The following ST6GALNAC5 variants were observed in gnomAD, a reference collection of about 807,000 sequenced individuals.
The protein encoded by ST6GALNAC5 is ST6 N-acetylgalactosaminide alpha-2,6-sialyltransferase 5.
Under a neutral mutation model 33.6 loss-of-function variants are expected in ST6GALNAC5, and 27 were observed. The ratio of observed to expected loss-of-function variants is 0.80; its 90% CI spans 0.59 to 1.11. The LOEUF (loss-of-function observed/expected upper bound fraction) is 1.11. Among genes scored for constraint, ST6GALNAC5 ranks in the 50% least tolerant of loss-of-function variants. The pLI, the probability that ST6GALNAC5 is intolerant of heterozygous loss-of-function variation, is 0.00. For missense variants in ST6GALNAC5, 428 were observed against 454.0 expected (o/e 0.94, Z 0.52); for synonymous variants, 194 against 171.2 (o/e 1.13, Z -1.04).
intron 2 of ST6GALNAC5, among the ~76,000 whole-genome samples, chr1:76,974,978 G>T (rs1648946975): frequency 6.6e-6 from 1 of 151,130 alleles, no homozygotes; most frequent in African/African-American, 2.4e-5. Flanking sequence ...GTAGAAACGG[G>T]GTTTCACCAT....
At chr1:76,974,354 C>T (rs1648907888) in intron 2 of ST6GALNAC5, among the ~76,000 whole-genome samples, 1 of 151,762 alleles carries the variant, frequency 6.6e-6, no homozygotes, top group Non-Finnish European at 1.5e-5. Context: ...TATAGACATG[C>T]ATCACCACAC....
At chr1:76,995,122 G>A (rs1649878515) in intron 2 of ST6GALNAC5, among the ~76,000 whole-genome samples, 1 of 152,140 alleles carries the variant, frequency 6.6e-6, no homozygotes, top group Non-Finnish European at 1.5e-5. Flanking sequence ...TTTTGGCTGG[G>A]CGCAGTGGCT....
intron 2 of ST6GALNAC5, among the ~76,000 whole-genome samples, chr1:76,919,226 T>C (rs1005591742): frequency 2.6e-5 from 4 of 152,062 alleles, no homozygotes; most frequent in Non-Finnish European, 5.9e-5. Context: ...AACGTGAGGA[T>C]TGAGGGAAAA....
chr1:76,929,253 C>G (rs1256587466), intron 2 of ST6GALNAC5, among the ~76,000 whole-genome samples: 2 of 152,184 alleles, frequency 1.3e-5, no homozygotes, highest in South Asian at 4.2e-4. Flanking sequence ...AATACTGCCT[C>G]TAGATGTCCA....
chr1:76,894,836 C>T (rs1023913930), intron 2 of ST6GALNAC5, among the ~76,000 whole-genome samples: 7 of 152,134 alleles, frequency 4.6e-5, no homozygotes, highest in African/African-American at 1.7e-4. Flanking sequence ...TGTGAAGAGA[C>T]CACCAAACAG....
In ST6GALNAC5 at chr1:77,064,024, A is replaced by G. The variant is rs937977872; in HGVS notation, c.*818A>G. ...AAAAGGACAAAATTGAAAACCAAAA[A>G]CTATGTTATTAAAACAAAAAAATGC... On this transcript the variant is annotated 3_prime_UTR_variant, in exon 5 of 5. Coordinates refer to ENST00000477717, the MANE Select transcript of ST6GALNAC5 (RefSeq NM_030965.3). 6.6e-6 allele frequency: 1 copy of G among 152,624 alleles called. No individual in the cohort carries two copies. The highest frequency in any genetic ancestry group is 2.1e-4 in the South Asian group (1 of 4,830). The allele number at this position is 152,624 out of a possible 1,614,324, so 9.5% of individuals were successfully genotyped here. A position where few individuals can be genotyped will look rare whatever the true frequency, so the allele number is the denominator to read the frequency against.
At chr1:76,943,543 G>A (rs1471256908) in intron 2 of ST6GALNAC5, among the ~76,000 whole-genome samples, 4 of 152,078 alleles carry the variant, frequency 2.6e-5, no homozygotes, top group Non-Finnish European at 5.9e-5. Flanking sequence ...ATTTACGTGA[G>A]TTAAGAGTCC....
intron 2 of ST6GALNAC5, among the ~76,000 whole-genome samples, chr1:76,888,262 A>G (rs950447835): frequency 1.3e-5 from 2 of 152,048 alleles, no homozygotes; most frequent in African/African-American, 4.8e-5. Flanking sequence ...TAAAATGCAG[A>G]TTCTGAATCT....
chr1:77,008,692 G>T (rs183579805), intron 2 of ST6GALNAC5, among the ~76,000 whole-genome samples: 396 of 152,148 alleles, frequency 2.6e-3, no homozygotes, highest in Non-Finnish European at 4.2e-3. Flanking sequence ...ACCACACCCG[G>T]TTAATTTTTG....
rs1056245868 is a variant in ST6GALNAC5 at position 76,964,469 on chromosome 1, G to A, written c.262-79735G>A. On this transcript the variant is annotated intron_variant, in intron 2 of 4. Transcript: ENST00000477717. Reference sequence around the variant, plus strand: ...TATCACACTACTTTCTCTCTCATGGGCCCCGAAGTTCCCCCTCAGAGATAA... The same window carrying A: ...TATCACACTACTTTCTCTCTCATGGACCCCGAAGTTCCCCCTCAGAGATAA... 2.6e-5 allele frequency among the ~76,000 whole-genome samples: 4 copies of A among 151,962 alleles called. No individual in the cohort carries two copies. In the East Asian group the frequency reaches 7.7e-4, roughly 29 times the overall value.
intron 2 of ST6GALNAC5, among the ~76,000 whole-genome samples, chr1:76,920,857 A>G (rs1443674947): frequency 1.3e-5 from 2 of 152,182 alleles, no homozygotes; most frequent in African/African-American, 4.8e-5. Context: ...CAAGCCCCCA[A>G]ACAGAAAACA....
At chr1:76,897,000 G>C (rs543209097) in intron 2 of ST6GALNAC5, among the ~76,000 whole-genome samples, 2 of 151,856 alleles carry the variant, frequency 1.3e-5, no homozygotes, top group Non-Finnish European at 2.9e-5. Context: ...TGTTTTGTAA[G>C]GGATTGAGGT....
intron 2 of ST6GALNAC5, among the ~76,000 whole-genome samples, chr1:76,959,292 G>A (rs1470217443): frequency 6.6e-6 from 1 of 152,190 alleles, no homozygotes; most frequent in Non-Finnish European, 1.5e-5. Context: ...ATGTTTTGAT[G>A]TAAATACAAT....
intron 2 of ST6GALNAC5, among the ~76,000 whole-genome samples, chr1:76,885,619 C>A (rs1220587353): frequency 2.0e-5 from 3 of 152,142 alleles, no homozygotes; most frequent in Admixed American, 2.0e-4. Context: ...AGTTTGAAAC[C>A]AAAATCTATT....
At chr1:76,931,866 A>C (rs1647144937) in intron 2 of ST6GALNAC5, among the ~76,000 whole-genome samples, 1 of 152,126 alleles carries the variant, frequency 6.6e-6, no homozygotes, top group Non-Finnish European at 1.5e-5. Context: ...AACAACATTT[A>C]AGGATCATGC....
At chr1:76,894,502 C>A (rs1039460844) in intron 2 of ST6GALNAC5, among the ~76,000 whole-genome samples, 4 of 152,114 alleles carry the variant, frequency 2.6e-5, no homozygotes, top group African/African-American at 4.8e-5. Flanking sequence ...AGCAAGGAAC[C>A]CTTGTATCCA....
chr1:76,988,784 C>G (rs1365162564), intron 2 of ST6GALNAC5, among the ~76,000 whole-genome samples: 1 of 152,020 alleles, frequency 6.6e-6, no homozygotes, highest in African/African-American at 2.4e-5. Flanking sequence ...TTTAGTGGTA[C>G]TGTTAAATAT....
chr1:77,037,568 T>C (rs1651692082), intron 2 of ST6GALNAC5, among the ~76,000 whole-genome samples: 1 of 132,960 alleles, frequency 7.5e-6, no homozygotes, highest in South Asian at 2.2e-4. Flanking sequence ...ATTATAAAAG[T>C]AAATATAAAA....
chr1:76,980,336 A>G (rs1249197751), intron 2 of ST6GALNAC5, among the ~76,000 whole-genome samples: 2 of 152,060 alleles, frequency 1.3e-5, no homozygotes, highest in Non-Finnish European at 2.9e-5. Context: ...TTGTTTTCTG[A>G]ATTTTGTTAA....
Sources: allele counts gnomAD v4.1 joint callset (sites outside exome capture counted in the v4.1 genomes callset), GRCh38; gene constraint gnomAD v4.1.1; transcripts MANE v1.5; gene names NCBI Gene and HGNC (gene_info 2026-07-23, HGNC 2026-07-21).